The following CCDC6 variants were observed in gnomAD, a reference collection of about 807,000 sequenced individuals.
The protein encoded by CCDC6 is coiled-coil domain-containing protein 6.
CCDC6 carries 20 observed loss-of-function variants against 56.6 expected under a neutral mutation model. That is an observed-to-expected ratio of 0.35 (90% CI 0.25 to 0.51). CCDC6 has a LOEUF of 0.51. CCDC6 is among the 20% of genes least tolerant of loss of function. The pLI is 0.95. For synonymous variants in CCDC6, 241 were observed against 234.4 expected, an observed-to-expected ratio of 1.03 and a Z score of -0.26; for missense variants, 367 against 601.1, an observed-to-expected ratio of 0.61 and a Z score of 4.07.
rs1247684022 is a variant in CCDC6 at position 59,789,251 on chromosome 10, G to C, written c.*3666C>G. 1 of 231,640 alleles carries C rather than the reference G, an allele frequency of 4.3e-6. No homozygotes were observed. The highest frequency in any genetic ancestry group is 8.6e-6 in the Non-Finnish European group (1 of 116,894). 14.3% of individuals were successfully genotyped at this position (231,640 alleles called of 1,614,324 possible). A position where few individuals can be genotyped will look rare whatever the true frequency, so the allele number is the denominator to read the frequency against. ...AAGAACTAAAGTTGTGCAGTAACCC[G>C]AGTTAAGGCATGAATGCAGACACAC... is the stretch of plus-strand genomic sequence containing the variant. On this transcript the variant is annotated 3_prime_UTR_variant, in exon 9 of 9. Coordinates refer to ENST00000263102, the MANE Select transcript of CCDC6 (RefSeq NM_005436.5).
Position 59,866,168 on chromosome 10 carries a change from T to C in CCDC6, c.304-13466A>G, listed in dbSNP as rs929516466. Reference sequence around the variant, plus strand: ...GCACCGTGTGGAATGTGACACTGCATACGACAGACACTGTCCCCACCCTGA... The same window carrying C: ...GCACCGTGTGGAATGTGACACTGCACACGACAGACACTGTCCCCACCCTGA... On this transcript the variant is annotated intron_variant, in intron 1 of 8. Transcript: ENST00000263102. 2.0e-5 allele frequency among the ~76,000 whole-genome samples: 3 copies of C among 152,220 alleles called. No homozygotes were observed. The South Asian group carries it at 6.2e-4, about 31-fold the overall frequency.
chr10:59,865,081 T>C (rs117404013), intron 1 of CCDC6, among the ~76,000 whole-genome samples: 2,555 of 152,314 alleles, frequency 0.017, 30 homozygotes, highest in Middle Eastern at 0.044. Flanking sequence ...GTGTTGTTAA[T>C]TATGGAGGCC....
At chr10:59,850,698 ATTT>A (rs140703802) in intron 2 of CCDC6, among the ~76,000 whole-genome samples, 21 of 151,536 alleles carry the variant, frequency 1.4e-4, no homozygotes, top group African/African-American at 4.8e-4. Flanking sequence ...TTAGTCTATG[ATTT>A]TTTTTTCTCT....
chr10:59,894,598 T>C (rs2132684690), intron 1 of CCDC6, among the ~76,000 whole-genome samples: 1 of 151,806 alleles, frequency 6.6e-6, no homozygotes, highest in Non-Finnish European at 1.5e-5. Context: ...AACCCACTTG[T>C]ACTGTGCTAG....
intron 1 of CCDC6, among the ~76,000 whole-genome samples, chr10:59,873,139 T>G (rs1282459548): frequency 6.6e-6 from 1 of 152,200 alleles, no homozygotes; most frequent in African/African-American, 2.4e-5. Flanking sequence ...AGGTGCTCAG[T>G]ACCTTTCCAT....
Position 59,797,387 on chromosome 10 carries a change from A to T in CCDC6, c.1106-2790T>A, listed in dbSNP as rs554343492. Among the ~76,000 whole-genome samples, 17 of 152,050 alleles carry T rather than the reference A, an allele frequency of 1.1e-4. No individual in the cohort carries two copies. The South Asian group carries it at 3.1e-3, about 28-fold the overall frequency. ...ATTGAGAGGTCTCACCACAATAATG[A>T]TTTTTTTAAGTCAAACCCTGTCAGG... On this transcript the variant is annotated intron_variant, in intron 7 of 8. Transcript: ENST00000263102.
intron 1 of CCDC6, among the ~76,000 whole-genome samples, chr10:59,905,492 C>T (rs377208862): frequency 6.6e-6 from 1 of 152,174 alleles, no homozygotes; most frequent in Non-Finnish European, 1.5e-5. Flanking sequence ...AACCGTCCAC[C>T]CTCCCAACCC....
At chr10:59,839,688 T>C (rs2070919272) in intron 2 of CCDC6, among the ~76,000 whole-genome samples, 2 of 152,246 alleles carry the variant, frequency 1.3e-5, no homozygotes, top group Admixed American at 6.5e-5. Context: ...TTGCTAGGTT[T>C]TGCATTCTTT....
chr10:59,820,910 T>C (rs1486837009), intron 3 of CCDC6, among the ~76,000 whole-genome samples: 1 of 151,808 alleles, frequency 6.6e-6, no homozygotes, highest in Non-Finnish European at 1.5e-5. Context: ...CGAGAGTGTG[T>C]TGGGGATTTA....
At chr10:59,805,879 T>C (rs981578530) in intron 6 of CCDC6, among the ~76,000 whole-genome samples, 1 of 152,198 alleles carries the variant, frequency 6.6e-6, no homozygotes. Context: ...TCAACAGCGT[T>C]GTTAGTCCTC....
At chr10:59,810,294 A>C (rs1195907451) in intron 5 of CCDC6, among the ~76,000 whole-genome samples, 1 of 152,248 alleles carries the variant, frequency 6.6e-6, no homozygotes, top group Non-Finnish European at 1.5e-5. Context: ...CACTGCAAGC[A>C]GCTAAGTGCC....
intron 1 of CCDC6, among the ~76,000 whole-genome samples, chr10:59,899,176 G>A (rs1346869862): frequency 6.6e-6 from 1 of 152,128 alleles, no homozygotes; most frequent in Non-Finnish European, 1.5e-5. Context: ...TTTTCCAGAG[G>A]ATTAGTTCCT....
chr10:59,846,162 T>C (rs994972152), intron 2 of CCDC6, among the ~76,000 whole-genome samples: 1 of 152,186 alleles, frequency 6.6e-6, no homozygotes, highest in African/African-American at 2.4e-5. Flanking sequence ...TAAGTAAGCA[T>C]ACACTCTAGA....
intron 1 of CCDC6, among the ~76,000 whole-genome samples, chr10:59,878,707 T>C (rs1375458268): frequency 6.6e-6 from 1 of 152,122 alleles, no homozygotes; most frequent in Non-Finnish European, 1.5e-5. Flanking sequence ...CAACCAATCA[T>C]AACATTCAGC....
At chr10:59,868,114 G>A (rs1276948767) in intron 1 of CCDC6, among the ~76,000 whole-genome samples, 4 of 152,134 alleles carry the variant, frequency 2.6e-5, no homozygotes, top group East Asian at 3.9e-4. Context: ...CTTCACAGGC[G>A]TGTCCTTAAC....
At chr10:59,816,615 TAC>T (rs1412280238) in intron 3 of CCDC6, among the ~76,000 whole-genome samples, 2 of 152,232 alleles carry the variant, frequency 1.3e-5, no homozygotes, top group Non-Finnish European at 2.9e-5. Context: ...CTCATTGGAT[TAC>T]AGTGAGCATT....
At chr10:59,875,987 G>A (rs181554974) in intron 1 of CCDC6, among the ~76,000 whole-genome samples, 49 of 147,744 alleles carry the variant, frequency 3.3e-4, no homozygotes, top group Non-Finnish European at 5.3e-4. Flanking sequence ...AAAAAATAAC[G>A]GTTGTTAAAA....
intron 2 of CCDC6, 127 bp from the exon 3 acceptor site, chr10:59,832,780 T>C (rs1350592902): frequency 2.2e-6 from 2 of 910,544 alleles, no homozygotes; most frequent in Non-Finnish European, 3.3e-6. Flanking sequence ...TTTGCTCAAA[T>C]GTGCAAGTAT....
intron 5 of CCDC6, among the ~76,000 whole-genome samples, chr10:59,810,072 G>C (rs968227472): frequency 1.3e-5 from 2 of 152,140 alleles, no homozygotes; most frequent in Non-Finnish European, 2.9e-5. Flanking sequence ...CCTAGCCACT[G>C]GTCTATTAAA....
Sources: gnomAD v4.1 joint callset for allele counts (sites outside exome capture counted in the v4.1 genomes callset) on GRCh38, gnomAD v4.1.1 for gene constraint, MANE v1.5 for transcripts, NCBI Gene and HGNC (gene_info 2026-07-23, HGNC 2026-07-21) for gene names.